NUGGC: variants seen among roughly 807,000 people sequenced by gnomAD.
The protein encoded by NUGGC is nuclear GTPase, germinal center associated.
Under a neutral mutation model 92.6 loss-of-function variants are expected in NUGGC, and 58 were observed. The observed-to-expected ratio is 0.63, with a 90% CI of 0.51 to 0.78. The LOEUF is 0.78. NUGGC is among the 30% of genes least tolerant of loss of function. The probability of loss-of-function intolerance (pLI) is 0.00; values close to 1 mark genes in which losing one functional copy is unlikely to be tolerated. For synonymous variants in NUGGC, 376 were observed against 366.4 expected, an observed-to-expected ratio of 1.03 and a Z score of -0.30; for missense variants, 925 against 964.6, an observed-to-expected ratio of 0.96 and a Z score of 0.54.
chr8:28,063,246 C>T (rs1006374771), intron 7 of NUGGC, among the ~76,000 whole-genome samples: 2 of 152,210 alleles, frequency 1.3e-5, no homozygotes, highest in African/African-American at 2.4e-5. Flanking sequence ...AGGCAGAGCA[C>T]GGTGGGAACC....
At position 28,033,531 on chromosome 8, in the gene NUGGC, A is replaced by T. The variant is rs1809475915; in HGVS notation, c.1769+9T>A. On this transcript the variant is annotated intron_variant, in intron 14 of 18. Transcript: ENST00000413272. ...TGTTCCCGAAGGTGCAAGATGAGAG[A>T]TCCTTTACCTAAAAATGCTTCCAAA... The T allele has an allele frequency of 6.2e-7, 1 of 1,611,176 alleles. No homozygotes were observed. The highest frequency in any genetic ancestry group is 1.7e-5 in the Admixed American group (1 of 59,384).
chr8:28,047,285 C>T (rs1809864220), intron 11 of NUGGC, among the ~76,000 whole-genome samples: 2 of 152,102 alleles, frequency 1.3e-5, no homozygotes, highest in Admixed American at 6.5e-5. Flanking sequence ...ATTATTTGAC[C>T]TTTACCAACC....
intron 17 of NUGGC, among the ~76,000 whole-genome samples, chr8:28,028,820 A>G (rs577438334): frequency 5.3e-5 from 8 of 152,302 alleles, no homozygotes; most frequent in Admixed American, 1.3e-4. Flanking sequence ...TTTTATGTAG[A>G]CAAGACATCT....
At chr8:28,040,465 C>T (rs56654464) in intron 13 of NUGGC, among the ~76,000 whole-genome samples, 1,777 of 152,236 alleles carry the variant, frequency 0.012, 43 homozygotes, top group African/African-American at 0.04. Context: ...CCCGGGGCTA[C>T]AAGGTGGATG....
At chr8:28,055,434 C>A (rs1019883115) in intron 10 of NUGGC, among the ~76,000 whole-genome samples, 2 of 152,132 alleles carry the variant, frequency 1.3e-5, no homozygotes, top group African/African-American at 4.8e-5. Flanking sequence ...CCTCTGTGGA[C>A]CACATGCTCA....
chr8:28,041,130 G>A lies in NUGGC; in HGVS notation c.1532C>T (p.Ala511Val). Residue 511 changes from alanine to valine, a missense_variant, in exon 13 of 19, where the codon GCC becomes GTC. Coordinates refer to ENST00000413272, the MANE Select transcript of NUGGC (RefSeq NM_001010906.2). ...TTCTTGCAGAGGCTGCTCCATGCAG[G>A]CGAAGCACTGTGCGATGGCCTTCTC... ...LLEKAIAQCF[A>V]CMEQPLQEGV... The A allele has an allele frequency of 6.2e-7, 1 of 1,609,534 alleles. No individual in the cohort carries two copies. Among genetic ancestry groups the A allele is most frequent in the East Asian group, 2.2e-5 (1 of 44,690 alleles).
chr8:28,074,525 AT>A (rs1262893706), intron 1 of NUGGC, 69 bp from the exon 2 acceptor site: 1 of 988,600 alleles, frequency 1.0e-6, no homozygotes, highest in Non-Finnish European at 1.6e-6. Context: ...AACCCTAAGG[AT>A]GTGTCAGTCT....
intron 1 of NUGGC, among the ~76,000 whole-genome samples, chr8:28,074,992 C>T (rs1373919958): frequency 1.3e-5 from 2 of 152,064 alleles, no homozygotes; most frequent in South Asian, 2.1e-4. Flanking sequence ...GGGTAACTCA[C>T]GCTGAAATGA....
intron 12 of NUGGC, among the ~76,000 whole-genome samples, chr8:28,042,026 G>A (rs1226613331): frequency 2.0e-5 from 3 of 152,130 alleles, no homozygotes; most frequent in African/African-American, 7.2e-5. Context: ...TCTCATGGTA[G>A]TGAATGAGTC....
Position 28,023,403 on chromosome 8 carries a change from C to T in NUGGC, c.2305G>A (p.Glu769Lys). 1 of 1,613,998 alleles carries T rather than the reference C, an allele frequency of 6.2e-7. No individual in the cohort carries two copies. Among genetic ancestry groups the T allele is most frequent in the Non-Finnish European group, 8.5e-7 (1 of 1,179,876 alleles). The change falls in exon 19 of 19, where the codon GAG (glutamate) becomes AAG (lysine). Residue 769 changes from glutamate (E) to lysine (K), a missense_variant. Physicochemically the swap from Glu to Lys is moderately conservative, Grantham distance 56. Transcript: ENST00000413272. ...ATGCCCTTCCTCAGCCGTGCATTCT[C>T]CGCGACCTCCCTCAGGCTTCTGTGC... ...KLHRSLREVA[E>K]NARLRKGMQE...
rs189526883 is a variant in NUGGC at position 28,055,109 on chromosome 8, C to T, written c.1206+856G>A. Reference sequence around the variant, plus strand: ...CTCTACTAAAAATACAAAAATTAACCAGGCATGGTGGCATGCACCTGTAAT... The same window carrying T: ...CTCTACTAAAAATACAAAAATTAACTAGGCATGGTGGCATGCACCTGTAAT... On this transcript the variant is annotated intron_variant, in intron 10 of 18. Transcript: ENST00000413272. Among the ~76,000 whole-genome samples the T allele has an allele frequency of 1.1e-3, 166 of 151,958 alleles. 1 individual carries two copies. The highest frequency in any genetic ancestry group is 3.6e-3 in the African/African-American group (148 of 41,396).
At chr8:28,074,639 G>A (rs1810674819) in intron 1 of NUGGC, among the ~76,000 whole-genome samples, 183 bp from the exon 2 acceptor site, 1 of 152,122 alleles carries the variant, frequency 6.6e-6, no homozygotes, top group Admixed American at 6.6e-5. Flanking sequence ...TTTGAACACT[G>A]GTTTCCAATA....
intron 1 of NUGGC, among the ~76,000 whole-genome samples, chr8:28,076,948 C>G (rs529626745): frequency 1.1e-4 from 16 of 152,304 alleles, no homozygotes; most frequent in South Asian, 4.1e-4. Context: ...AATGAGCTCC[C>G]TTAGGAAACC....
At chr8:28,060,943 T>A (rs942986743) in intron 7 of NUGGC, among the ~76,000 whole-genome samples, 1 of 152,188 alleles carries the variant, frequency 6.6e-6, no homozygotes, top group Non-Finnish European at 1.5e-5. Flanking sequence ...CTCTGCCCCT[T>A]GATGGGAAGC....
intron 6 of NUGGC, among the ~76,000 whole-genome samples, chr8:28,065,001 A>G (rs1388415117): frequency 1.3e-5 from 2 of 152,212 alleles, no homozygotes; most frequent in African/African-American, 4.8e-5. Context: ...TTGCTGAATA[A>G]TAAGTTTATC....
At chr8:28,066,969 C>G (rs1810453546) in intron 6 of NUGGC, among the ~76,000 whole-genome samples, 1 of 152,186 alleles carries the variant, frequency 6.6e-6, no homozygotes, top group African/African-American at 2.4e-5. Flanking sequence ...AGAGGTATTT[C>G]TGGGAAAGTT....
intron 18 of NUGGC, among the ~76,000 whole-genome samples, chr8:28,023,731 A>G (rs972722306): frequency 1.3e-5 from 2 of 152,190 alleles, no homozygotes; most frequent in African/African-American, 2.4e-5. Context: ...TGTGTGATAT[A>G]CAAAGCATGT....
intron 7 of NUGGC, 148 bp downstream of exon 7, chr8:28,064,374 G>A (rs1023635254): frequency 2.8e-6 from 2 of 705,088 alleles, no homozygotes; most frequent in African/African-American, 3.6e-5. Flanking sequence ...ACCCTGCCAG[G>A]GCCTTGAGAC....
intron 16 of NUGGC, 92 bp downstream of exon 16, chr8:28,030,218 C>T (rs1019855334): frequency 1.4e-6 from 1 of 721,654 alleles, no homozygotes; most frequent in Non-Finnish European, 2.5e-6. Flanking sequence ...TGCAAGAGAA[C>T]AGGGCCTTTG....
Sources: allele counts gnomAD v4.1 joint callset (sites outside exome capture counted in the v4.1 genomes callset), GRCh38; gene constraint gnomAD v4.1.1; transcripts MANE v1.5; gene names NCBI Gene and HGNC (gene_info 2026-07-23, HGNC 2026-07-21).